NELL1: variants seen among roughly 807,000 people sequenced by gnomAD.
NELL1 encodes the protein protein kinase C-binding protein NELL1.
Under a neutral mutation model 107.4 loss-of-function variants are expected in NELL1, and 76 were observed. The ratio of observed to expected loss-of-function variants is 0.71; its 90% CI spans 0.59 to 0.86. The LOEUF is 0.86. Ranked by LOEUF, NELL1 falls within the 40% of genes least tolerant of loss-of-function variation. NELL1 has a pLI of 0.00. For missense variants in NELL1, 1,024 were observed against 1,005.5 expected (o/e 1.02, Z -0.25); for synonymous variants, 353 against 341.2 (o/e 1.03, Z -0.38).
At chr11:20,799,144 C>T (rs1857231769) in intron 3 of NELL1, among the ~76,000 whole-genome samples, 1 of 152,154 alleles carries the variant, frequency 6.6e-6, no homozygotes, top group African/African-American at 2.4e-5. Context: ...ATGAGTGTCC[C>T]AGATAGCTGA....
chr11:21,093,686 C>T (rs906859516), intron 12 of NELL1, among the ~76,000 whole-genome samples: 1 of 152,180 alleles, frequency 6.6e-6, no homozygotes, highest in Non-Finnish European at 1.5e-5. Flanking sequence ...AGGAGCAAGT[C>T]ACGTCTTACA....
At chr11:20,863,250 G>C (rs185361090) in intron 4 of NELL1, among the ~76,000 whole-genome samples, 1 of 147,848 alleles carries the variant, frequency 6.8e-6, no homozygotes, top group Non-Finnish European at 1.5e-5. Context: ...CCTCCCGGAT[G>C]GGGCGGCTGG....
At chr11:20,943,176 A>G (rs1850892329) in intron 10 of NELL1, among the ~76,000 whole-genome samples, 1 of 151,736 alleles carries the variant, frequency 6.6e-6, no homozygotes, top group Non-Finnish European at 1.5e-5. Flanking sequence ...CAAAAAAGTT[A>G]TTTTTCCATT....
intron 14 of NELL1, among the ~76,000 whole-genome samples, chr11:21,266,874 G>A (rs1301994597): frequency 1.3e-5 from 2 of 152,022 alleles, no homozygotes; most frequent in Non-Finnish European, 2.9e-5. Flanking sequence ...TTATAAGAAT[G>A]TCACACTTAT....
chr11:21,560,800 A>G (rs747483183), intron 17 of NELL1, among the ~76,000 whole-genome samples: 1 of 152,136 alleles, frequency 6.6e-6, no homozygotes, highest in Non-Finnish European at 1.5e-5. Flanking sequence ...CATCATCTAG[A>G]AAAGCAAGGC....
intron 15 of NELL1, among the ~76,000 whole-genome samples, chr11:21,423,474 TAAATA>T (rs1442716402): frequency 6.6e-6 from 1 of 151,742 alleles, no homozygotes; most frequent in Non-Finnish European, 1.5e-5. Context: ...AAAACAAAAA[TAAATA>T]AAACAAAAGT....
At chr11:21,331,662 C>T (rs933427128) in intron 14 of NELL1, among the ~76,000 whole-genome samples, 10 of 152,176 alleles carry the variant, frequency 6.6e-5, no homozygotes, top group South Asian at 4.1e-4. Flanking sequence ...ATAAATTACC[C>T]TACAATCTGA....
At chr11:21,291,144 AT>A (rs1212353571) in intron 14 of NELL1, among the ~76,000 whole-genome samples, 1 of 152,238 alleles carries the variant, frequency 6.6e-6, no homozygotes, top group African/African-American at 2.4e-5. Flanking sequence ...AGAGAAGAAC[AT>A]AAATGACCTG....
chr11:20,955,729 AG>A (rs1325402169), intron 11 of NELL1, among the ~76,000 whole-genome samples: 1 of 152,240 alleles, frequency 6.6e-6, no homozygotes, highest in Non-Finnish European at 1.5e-5. Flanking sequence ...CTAGCATGCC[AG>A]GCATATTATA....
intron 5 of NELL1, among the ~76,000 whole-genome samples, chr11:20,914,809 T>G (rs1850209642): frequency 6.6e-6 from 1 of 151,978 alleles, no homozygotes; most frequent in Admixed American, 6.6e-5. Context: ...TTCTCATAGG[T>G]CATATGACCA....
intron 17 of NELL1, among the ~76,000 whole-genome samples, chr11:21,569,214 GAAA>G (rs35735843): frequency 6.6e-6 from 1 of 151,152 alleles, no homozygotes; most frequent in African/African-American, 2.4e-5. Context: ...TGACTTTATT[GAAA>G]AAAAAGCCTG....
At chr11:20,720,798 C>T (rs898375690) in intron 2 of NELL1, among the ~76,000 whole-genome samples, 1 of 152,094 alleles carries the variant, frequency 6.6e-6, no homozygotes, top group African/African-American at 2.4e-5. Context: ...ACCAGTCATA[C>T]TGGGTTAGAG....
At chr11:21,249,060 AC>A (rs1407652614) in intron 14 of NELL1, among the ~76,000 whole-genome samples, 1 of 151,978 alleles carries the variant, frequency 6.6e-6, no homozygotes, top group African/African-American at 2.4e-5. Flanking sequence ...AGTCAGGACC[AC>A]CCCCTAGTTT....
chr11:20,816,426 TC>T (rs1857625025), intron 3 of NELL1, among the ~76,000 whole-genome samples: 1 of 152,198 alleles, frequency 6.6e-6, no homozygotes, highest in South Asian at 2.1e-4. Flanking sequence ...GAGATTTAGT[TC>T]TTGATTTGGC....
At chr11:21,259,238 T>C (rs1404872507) in intron 14 of NELL1, among the ~76,000 whole-genome samples, 1 of 151,850 alleles carries the variant, frequency 6.6e-6, no homozygotes, top group Non-Finnish European at 1.5e-5. Context: ...ATAATCTAGA[T>C]GGAGAAACGT....
chr11:20,833,759 G>A (rs1200446115), intron 3 of NELL1, among the ~76,000 whole-genome samples: 1 of 152,188 alleles, frequency 6.6e-6, no homozygotes, highest in African/African-American at 2.4e-5. Context: ...TGAATGAGTA[G>A]AAGTTAGCTA....
chr11:21,324,637 G>C (rs150587448), intron 14 of NELL1, among the ~76,000 whole-genome samples: 438 of 152,070 alleles, frequency 2.9e-3, no homozygotes, highest in Non-Finnish European at 4.4e-3. Context: ...TAGGAGAAAG[G>C]ATTTAGTAAG....
intron 2 of NELL1, among the ~76,000 whole-genome samples, chr11:20,753,445 C>A (rs1856189345): frequency 6.6e-6 from 1 of 151,980 alleles, no homozygotes; most frequent in South Asian, 2.1e-4. Flanking sequence ...TTCCTCATGG[C>A]TTTTTGAACC....
intron 2 of NELL1, among the ~76,000 whole-genome samples, chr11:20,688,815 A>C (rs1173886721): frequency 6.6e-6 from 1 of 152,180 alleles, no homozygotes; most frequent in Non-Finnish European, 1.5e-5. Context: ...AGAAATCTCC[A>C]AACTGCTTTC....
Sources: gnomAD v4.1 joint callset for allele counts (sites outside exome capture counted in the v4.1 genomes callset) on GRCh38, gnomAD v4.1.1 for gene constraint, MANE v1.5 for transcripts, NCBI Gene and HGNC (gene_info 2026-07-23, HGNC 2026-07-21) for gene names.